NLGN1: variants seen among roughly 807,000 people sequenced by gnomAD.
NLGN1 encodes neuroligin-1.
A neutral mutation model predicts 65.5 loss-of-function variants in NLGN1; 12 were observed. The ratio of observed to expected loss-of-function variants is 0.18; its 90% CI spans 0.12 to 0.30. The LOEUF is 0.30. Among genes scored for constraint, NLGN1 ranks in the 10% least tolerant of loss-of-function variants. NLGN1 has a pLI of 1.00. For synonymous variants in NLGN1, 350 were observed against 359.5 expected (o/e 0.97, Z 0.30); for missense variants, 750 against 1,007.1 (o/e 0.74, Z 3.46).
intron 4 of NLGN1, among the ~76,000 whole-genome samples, chr3:174,259,849 C>A (rs930532459): frequency 7.5e-6 from 1 of 134,080 alleles, no homozygotes; most frequent in African/African-American, 2.8e-5. Flanking sequence ...CCCACCCCAC[C>A]ACAGTCCCCA....
intron 2 of NLGN1, among the ~76,000 whole-genome samples, chr3:173,575,075 C>CA (rs2149344824): frequency 6.6e-6 from 1 of 152,260 alleles, no homozygotes; most frequent in South Asian, 2.1e-4. Flanking sequence ...TGCATAGAGA[C>CA]AGAGTCTCAC....
At chr3:173,586,063 T>C (rs989749754) in intron 2 of NLGN1, among the ~76,000 whole-genome samples, 2 of 152,164 alleles carry the variant, frequency 1.3e-5, no homozygotes, top group Admixed American at 6.5e-5. Context: ...CTGATTTATT[T>C]GAGGGATGTA....
chr3:174,051,683 G>A lies in NLGN1; in HGVS notation c.647-223632G>A, dbSNP rs142590043. Among the ~76,000 whole-genome samples, 1,127 of 152,126 alleles carry A rather than the reference G, an allele frequency of 7.4e-3. 4 individuals carry two copies. The highest frequency in any genetic ancestry group is 0.012 in the Non-Finnish European group (791 of 67,960). ...ATTATGGTACTTAGGGCTATGGGAA[G>A]AACTAATGGGATCAAACTAATAAAA... On this transcript the variant is annotated intron_variant, in intron 4 of 6. Transcript: ENST00000457714.
intron 3 of NLGN1, among the ~76,000 whole-genome samples, chr3:173,798,874 A>G (rs996533560): frequency 1.2e-4 from 19 of 152,052 alleles, no homozygotes; most frequent in Non-Finnish European, 1.9e-4. Flanking sequence ...CTGATGAAAC[A>G]TAACTGTATT....
At chr3:173,594,693 AGAGGTTCTCCAT>A (rs1397088253) in intron 2 of NLGN1, among the ~76,000 whole-genome samples, 2 of 152,234 alleles carry the variant, frequency 1.3e-5, no homozygotes, top group African/African-American at 4.8e-5. Flanking sequence ...CTGCCTTAGC[AGAGGTTCTCCAT>A]GAGTGCCCCG....
At position 174,133,893 on chromosome 3, in the gene NLGN1, AACACACAC is replaced by A. The variant is rs5854553; in HGVS notation, c.647-141396_647-141389del. On this transcript the variant is annotated intron_variant, in intron 4 of 6. Transcript: ENST00000457714. ...ATCTCTCCCCCACCACACCCCACAA[AACACACAC>A]ACACACACACACACACACACACACA... Among the ~76,000 whole-genome samples, 1,206 of 144,898 alleles carry A rather than the reference AACACACAC, an allele frequency of 8.3e-3. 15 individuals carry two copies. Among genetic ancestry groups the A allele is most frequent in the Middle Eastern group, 0.025 (7 of 282 alleles).
intron 4 of NLGN1, among the ~76,000 whole-genome samples, chr3:173,933,278 C>T (rs1237715466): frequency 6.6e-6 from 1 of 152,070 alleles, no homozygotes; most frequent in African/African-American, 2.4e-5. Flanking sequence ...GTAATGATTA[C>T]AAAGCCTCAT....
intron 2 of NLGN1, among the ~76,000 whole-genome samples, chr3:173,475,458 C>T (rs1056955197): frequency 3.3e-5 from 5 of 152,100 alleles, no homozygotes; most frequent in Non-Finnish European, 7.4e-5. Flanking sequence ...AGTTATTTGT[C>T]ACTGTTTTTA....
At chr3:173,681,927 TTAAACA>T (rs1179173267) in intron 3 of NLGN1, among the ~76,000 whole-genome samples, 1 of 152,192 alleles carries the variant, frequency 6.6e-6, no homozygotes, top group Non-Finnish European at 1.5e-5. Flanking sequence ...TCTAAAACAC[TTAAACA>T]TAATATTTTT....
chr3:173,406,584 G>C (rs992932990), intron 1 of NLGN1, among the ~76,000 whole-genome samples: 8 of 147,290 alleles, frequency 5.4e-5, no homozygotes, highest in African/African-American at 7.6e-5. Flanking sequence ...TCATATATAT[G>C]TATTCATATA....
At chr3:173,424,556 A>G (rs977817318) in intron 1 of NLGN1, among the ~76,000 whole-genome samples, 9 of 152,154 alleles carry the variant, frequency 5.9e-5, no homozygotes, top group African/African-American at 1.9e-4. Flanking sequence ...CTGCTTAGAA[A>G]TTTCTTCCAG....
intron 4 of NLGN1, among the ~76,000 whole-genome samples, chr3:173,853,478 C>A (rs1727365493): frequency 6.6e-6 from 1 of 151,990 alleles, no homozygotes. Context: ...GAATTTAAAG[C>A]ATTAAACTCA....
At chr3:173,505,989 G>C (rs931424741) in intron 2 of NLGN1, among the ~76,000 whole-genome samples, 15 of 151,940 alleles carry the variant, frequency 9.9e-5, no homozygotes, top group Non-Finnish European at 1.9e-4. Context: ...CTAATACCAC[G>C]TATTTCTAAA....
chr3:173,463,671 C>G (rs1219145295), intron 2 of NLGN1, among the ~76,000 whole-genome samples: 1 of 152,110 alleles, frequency 6.6e-6, no homozygotes, highest in Non-Finnish European at 1.5e-5. Flanking sequence ...TTCCTGGTAT[C>G]CTTTCAACTA....
At chr3:173,663,556 A>G (rs773472368) in intron 3 of NLGN1, among the ~76,000 whole-genome samples, 2 of 152,036 alleles carry the variant, frequency 1.3e-5, no homozygotes, top group Non-Finnish European at 2.9e-5. Context: ...AAAATAATAA[A>G]TAGCATTGGA....
intron 3 of NLGN1, among the ~76,000 whole-genome samples, chr3:173,626,127 T>C (rs1287942678): frequency 6.6e-6 from 1 of 152,076 alleles, no homozygotes; most frequent in Non-Finnish European, 1.5e-5. Context: ...CAGTAGCGTC[T>C]AGCTCCATGT....
At chr3:173,526,241 C>T (rs778145092) in intron 2 of NLGN1, among the ~76,000 whole-genome samples, 6 of 151,814 alleles carry the variant, frequency 4.0e-5, no homozygotes, top group East Asian at 1.9e-4. Flanking sequence ...TTGTAAACCT[C>T]GGTACTCCTA....
At chr3:173,609,675 T>G (rs774872422) in intron 3 of NLGN1, among the ~76,000 whole-genome samples, 1 of 151,976 alleles carries the variant, frequency 6.6e-6, no homozygotes, top group East Asian at 1.9e-4. Context: ...GTGCTGAGTA[T>G]TGCTCTAGGT....
At chr3:174,292,166 T>C in the NLGN1 span, among the ~76,000 whole-genome samples, 13 of 151,334 alleles carry the variant, frequency 8.6e-5, no homozygotes, top group African/African-American at 2.9e-4. Flanking sequence ...GTTTCGATTT[T>C]AAAGTGTAAC....
Sources: gnomAD v4.1 joint callset for allele counts (sites outside exome capture counted in the v4.1 genomes callset) on GRCh38, gnomAD v4.1.1 for gene constraint, MANE v1.5 for transcripts, NCBI Gene and HGNC (gene_info 2026-07-23, HGNC 2026-07-21) for gene names.